KMT2D: variants seen among roughly 807,000 people sequenced by gnomAD.
KMT2D encodes histone-lysine N-methyltransferase 2D.
Under a neutral mutation model 512.7 loss-of-function variants are expected in KMT2D, and 55 were observed. The ratio of observed to expected loss-of-function variants is 0.11; its 90% CI spans 0.09 to 0.13. The LOEUF (loss-of-function observed/expected upper bound fraction) is 0.13, where lower values mean the gene tolerates loss of function less well. KMT2D is among the 10% of genes least tolerant of loss of function. The pLI, the probability that KMT2D is intolerant of heterozygous loss-of-function variation, is 1.00. For missense variants in KMT2D, 6,061 were observed against 7,127.9 expected (o/e 0.85, Z 5.39); for synonymous variants, 2,995 against 2,904.0 (o/e 1.03, Z -1.01).
chr12:49,029,682 T>G (rs991569916), intron 43 of KMT2D, among the ~76,000 whole-genome samples: 10 of 151,480 alleles, frequency 6.6e-5, no homozygotes, highest in Admixed American at 2.6e-4. Flanking sequence ...TTTTTGTTTT[T>G]TTTTTTTTTT....
Position 49,041,224 on chromosome 12 carries a change from G to A in KMT2D, c.6546C>T (p.Ala2182=), listed in dbSNP as rs2120543637. The A allele has an allele frequency of 4.6e-6, 7 of 1,513,830 alleles. No homozygotes were observed. The highest frequency in any genetic ancestry group is 6.2e-6 in the Non-Finnish European group (7 of 1,134,450). 93.8% of individuals were successfully genotyped at this position (1,513,830 alleles called of 1,614,324 possible). A position where few individuals can be genotyped will look rare whatever the true frequency, so the allele number is the denominator to read the frequency against. ...PSQDPFGLAP[A]YPLEPRFPTA... Reference sequence around the variant, plus strand: ...TGGGGAAGCGGGGCTCCAGGGGATAGGCAGGGGCCAGTCCAAAGGGGTCCT... The same window carrying A: ...TGGGGAAGCGGGGCTCCAGGGGATAAGCAGGGGCCAGTCCAAAGGGGTCCT... Residue 2182 remains alanine, a synonymous_variant, in exon 32 of 55, where the codon GCC becomes GCT. Transcript: ENST00000301067. The surrounding 1 kb of genome is among the most constrained non-coding windows in gnomAD (Gnocchi z 5.4).
In KMT2D at chr12:49,037,913, T is replaced by C. The variant is rs764977518; in HGVS notation, c.9443A>G (p.Asn3148Ser). ...TGGCTTTAGCCCCAGGCCAAGGGAA[T>C]TGGCAGCAGGTGCGGGCTCTACCTT... ...TPKVEPAPAA[N>S]SLGLGLKPGQ... Residue 3148 changes from asparagine (N) to serine (S), a missense_variant, in exon 35 of 55, where the codon AAT (asparagine) becomes AGT (serine). By Grantham distance (46) the Asn-to-Ser change is conservative. Around this residue, in one of 16 missense-constraint regions of KMT2D, gnomAD observed 533 missense variants for 539.6 expected, o/e 0.99. Transcript: ENST00000301067. 1.9e-6 allele frequency: 3 copies of C among 1,604,770 alleles called. No individual in the cohort carries two copies. The highest frequency in any genetic ancestry group is 1.7e-4 in the Middle Eastern group (1 of 6,058).
intron 35 of KMT2D, 53 bp downstream of exon 35, chr12:49,037,072 G>T (rs2120473254): frequency 6.6e-7 from 1 of 1,519,152 alleles, no homozygotes; most frequent in South Asian, 1.3e-5. Flanking sequence ...TGCCCATTTA[G>T]GGATAACAAT....
rs367559440 is a variant in KMT2D at position 49,052,224 on chromosome 12, G to A, written c.1459C>T (p.Arg487Trp). ...SPLPEALHLSRPLEESPLSPP... is the reference protein window; with the variant it reads ...SPLPEALHLSWPLEESPLSPP... ...GAGAGGGGCGATTCCTCCAGCGGCC[G>A]GGACAGGTGCAATGCCTCAGGAAGT... The change falls in exon 11 of 55, where the codon CGG (arginine) becomes TGG (tryptophan). Residue 487 changes from arginine to tryptophan, a missense_variant. Around this residue, in one of 16 missense-constraint regions of KMT2D, gnomAD observed 848 missense variants for 838.5 expected, o/e 1.01. Coordinates refer to ENST00000301067, the MANE Select transcript of KMT2D (RefSeq NM_003482.4). 58 of 1,613,012 alleles carry A rather than the reference G, an allele frequency of 3.6e-5. No individual in the cohort carries two copies. The African/African-American group carries it at 5.9e-4, about 16-fold the overall frequency.
In KMT2D at chr12:49,044,385, C is replaced by A. The variant is rs770175478; in HGVS notation, c.5083+18G>T. ...CCGCACCACCCCACCACCCCACAAC[C>A]CCATCCCAGGACCTCACCAGGCCGA... On this transcript the variant is annotated intron_variant, in intron 21 of 54. Coordinates refer to ENST00000301067, the MANE Select transcript of KMT2D (RefSeq NM_003482.4). The surrounding 1 kb of genome is among the most constrained non-coding windows in gnomAD (Gnocchi z 6.4). 7 of 1,613,836 alleles carry A rather than the reference C, an allele frequency of 4.3e-6. No homozygotes were observed. The highest frequency in any genetic ancestry group is 2.5e-6 in the Non-Finnish European group (3 of 1,179,870).
chr12:49,046,845 T>A lies in KMT2D; in HGVS notation c.4237-55A>T. 1 of 1,513,584 alleles carries A rather than the reference T, an allele frequency of 6.6e-7. No individual in the cohort carries two copies. Among genetic ancestry groups the A allele is most frequent in the East Asian group, 2.3e-5 (1 of 43,090 alleles). The allele number at this position is 1,513,584 out of a possible 1,614,324, so 93.8% of individuals were successfully genotyped here. On this transcript the variant is annotated intron_variant, in intron 15 of 54. Coordinates refer to ENST00000301067, the MANE Select transcript of KMT2D (RefSeq NM_003482.4). This position sits in a 1 kb window ranked among gnomAD's most constrained non-coding sequence, Gnocchi z 4.2. ...TGTGAGGTGGAAAAGAGGTAGAACT[T>A]CTTTTTATTTTTTTTTGGAGATGGA...
Position 49,034,412 on chromosome 12 carries a change from A to G in KMT2D, c.10505T>C (p.Ile3502Thr). 1 of 1,613,790 alleles carries G rather than the reference A, an allele frequency of 6.2e-7. No homozygotes were observed. The highest frequency in any genetic ancestry group is 1.3e-5 in the African/African-American group (1 of 75,002). Residue 3502 changes from isoleucine to threonine, a missense_variant and splice_region_variant, in exon 38 of 55, where the codon ATC (isoleucine) becomes ACC (threonine). Coordinates refer to ENST00000301067, the MANE Select transcript of KMT2D (RefSeq NM_003482.4). The stretch of plus-strand genomic sequence containing the variant: ...TTCCTCCCACGCCCCATACTCACTG[A>G]TCACTCCCTGAGCAAAAGTGGGCGG... ...PNPPTFAQGVINEADQRQYEE... is the reference protein window; with the variant it reads ...PNPPTFAQGVTNEADQRQYEE...
intron 43 of KMT2D, among the ~76,000 whole-genome samples, chr12:49,029,677 GTTTTT>G (rs33963995): frequency 7.6e-6 from 1 of 132,102 alleles, no homozygotes; most frequent in African/African-American, 2.8e-5. Flanking sequence ...TGTTTTTTTT[GTTTTT>G]TTTTTTTTTT....
Position 49,033,247 on chromosome 12 carries a change from G to A in KMT2D, c.11458C>T (p.Pro3820Ser). 6.4e-7 allele frequency: 1 copy of A among 1,555,028 alleles called. No homozygotes were observed. Among genetic ancestry groups the A allele is most frequent in the South Asian group, 1.2e-5 (1 of 84,268 alleles). Residue 3820 changes from proline to serine, a missense_variant, in exon 40 of 55, where the codon CCC becomes TCC. By Grantham distance (74) the Pro-to-Ser change is moderately conservative. Around this residue, in one of 16 missense-constraint regions of KMT2D, gnomAD observed 1,600 missense variants for 1,754.9 expected, o/e 0.91. Transcript: ENST00000301067. Reference protein sequence around the residue: ...LQQQHPGALGPQGPHRQVLMT... With the variant: ...LQQQHPGALGSQGPHRQVLMT... Reference sequence around the variant, plus strand: ...AGCACCTGTCTGTGAGGGCCCTGGGGGCCCAAAGCTCCAGGGTGCTGCTGC... The same window carrying A: ...AGCACCTGTCTGTGAGGGCCCTGGGAGCCCAAAGCTCCAGGGTGCTGCTGC...
Position 49,026,538 on chromosome 12 carries a change from T to C in KMT2D, c.15428A>G (p.Glu5143Gly), listed in dbSNP as rs977345417. 2 of 1,613,986 alleles carry C rather than the reference T, an allele frequency of 1.2e-6. No homozygotes were observed. The highest frequency in any genetic ancestry group is 1.7e-6 in the Non-Finnish European group (2 of 1,179,898). ...CPMHKIKGPC[E>G]QELSSFAVFR... ...GACAGCAAAAGAGCTCAGCTCTTGC[T>C]CACAGGGCCCCTTGATCTTATGCAT... is the stretch of plus-strand genomic sequence containing the variant. The change falls in exon 49 of 55, where the codon GAG becomes GGG. Residue 5143 changes from glutamate (E) to glycine (G), a missense_variant. By Grantham distance (98) the Glu-to-Gly change is moderately conservative (BLOSUM62 -2). Transcript: ENST00000301067. This position sits in a 1 kb window ranked among gnomAD's most constrained non-coding sequence, Gnocchi z 9.6.
rs768255004 is a variant in KMT2D at position 49,042,004 on chromosome 12, A to T, written c.6110-14T>A. The stretch of plus-strand genomic sequence containing the variant: ...GGCTTGACCAGTCTGGAGGGCAGAG[A>T]GAGTGAGTCAGAGAAGACTTGGCAG... On this transcript the variant is annotated splice_polypyrimidine_tract_variant and intron_variant, in intron 29 of 54. Coordinates refer to ENST00000301067, the MANE Select transcript of KMT2D (RefSeq NM_003482.4). The surrounding 1 kb of genome is among the most constrained non-coding windows in gnomAD (Gnocchi z 4.4). 7 of 1,612,142 alleles carry T rather than the reference A, an allele frequency of 4.3e-6. No homozygotes were observed. Among genetic ancestry groups the T allele is most frequent in the African/African-American group, 2.7e-5 (2 of 74,828 alleles).
Position 49,037,263 on chromosome 12 carries a change from C to T in KMT2D, c.10093G>A (p.Ala3365Thr), listed in dbSNP as rs1253722615. ...HMLSGQHGGQ[A>T]GLVPQQSSQP... ...GAGCTCTGCTGGGGTACCAAGCCTGCCTGCCCTCCATGCTGCCCACTTAGC... is the reference window on the plus strand; with the variant it reads ...GAGCTCTGCTGGGGTACCAAGCCTGTCTGCCCTCCATGCTGCCCACTTAGC... Residue 3365 changes from alanine (A) to threonine (T), a missense_variant, in exon 35 of 55, where the codon GCA (alanine) becomes ACA (threonine). Transcript: ENST00000301067. The T allele has an allele frequency of 2.5e-6, 4 of 1,613,702 alleles. No individual in the cohort carries two copies. The highest frequency in any genetic ancestry group is 3.4e-6 in the Non-Finnish European group (4 of 1,179,830).
rs1250945418 is a variant in KMT2D at position 49,034,084 on chromosome 12, G to A, written c.10723C>T (p.Gln3575Ter). ...TCCCCCACCTGATCCAGTTGTTTCT[G>A]GATCTTGCTCTGCTGCTCTGTAACC... ...KLVTEQQSKI[Q>*]KQLDQVRKQQ... Residue 3575 changes from glutamine (Q) to a stop codon, truncating the protein, a stop_gained, in exon 39 of 55, where the codon CAG becomes TAG. Coordinates refer to ENST00000301067, the MANE Select transcript of KMT2D (RefSeq NM_003482.4). LOFTEE classifies it high-confidence loss of function. 6.2e-7 allele frequency: 1 copy of A among 1,612,530 alleles called. No individual in the cohort carries two copies. The highest frequency in any genetic ancestry group is 1.7e-5 in the Admixed American group (1 of 60,018).
Position 49,033,195 on chromosome 12 carries a change from G to T in KMT2D, c.11510C>A (p.Ser3837Tyr). 3.2e-6 allele frequency: 5 copies of T among 1,550,290 alleles called. No homozygotes were observed. The highest frequency in any genetic ancestry group is 4.4e-6 in the Non-Finnish European group (5 of 1,146,154). Residue 3837 changes from serine (S) to tyrosine (Y), a missense_variant, in exon 40 of 55, where the codon TCC becomes TAC. Coordinates refer to ENST00000301067, the MANE Select transcript of KMT2D (RefSeq NM_003482.4). ...VLMTQSRVLS[S>Y]PQLAQQGQGL... ...CTGACCCTGCTGTGCCAGCTGGGGG[G>T]AACTGAGCACCCGGGACTGGGTCAT...
intron 49 of KMT2D, among the ~76,000 whole-genome samples, chr12:49,025,395 T>G (rs898545089): frequency 1.3e-5 from 2 of 152,252 alleles, no homozygotes; most frequent in East Asian, 3.8e-4. Context: ...CTGTATCTTT[T>G]CTATGTCTAG....
rs377409037 is a variant in KMT2D at position 49,040,366 on chromosome 12, C to G, written c.7404G>C (p.Lys2468Asn). ...QSRDPFAPLH[K>N]PPRPQPPEVA... ...CTTCAGGGGGCTGGGGTCGGGGTGG[C>G]TTATGCAATGGGGCAAATGGGTCAC... The change falls in exon 32 of 55, where the codon AAG (lysine) becomes AAC (asparagine). Residue 2468 changes from lysine (K) to asparagine (N), a missense_variant. By Grantham distance (94) the Lys-to-Asn change is moderately conservative. Coordinates refer to ENST00000301067, the MANE Select transcript of KMT2D (RefSeq NM_003482.4). The G allele has an allele frequency of 6.4e-7, 1 of 1,565,556 alleles. No homozygotes were observed. The highest frequency in any genetic ancestry group is 8.7e-7 in the Non-Finnish European group (1 of 1,155,390).
Position 49,041,723 on chromosome 12 carries a change from C to G in KMT2D, c.6184-18G>C. ...GCCTTTTGCTGAGGGATATGGGACACAGCCTTAGGGCCTAGTGCTTGGTCT... is the reference window on the plus strand; with the variant it reads ...GCCTTTTGCTGAGGGATATGGGACAGAGCCTTAGGGCCTAGTGCTTGGTCT... On this transcript the variant is annotated intron_variant, in intron 30 of 54. Coordinates refer to ENST00000301067, the MANE Select transcript of KMT2D (RefSeq NM_003482.4). The surrounding 1 kb of genome is among the most constrained non-coding windows in gnomAD (Gnocchi z 5.4). 1 of 1,606,204 alleles carries G rather than the reference C, an allele frequency of 6.2e-7. No individual in the cohort carries two copies. Among genetic ancestry groups the G allele is most frequent in the Non-Finnish European group, 8.5e-7 (1 of 1,176,004 alleles).
Position 49,037,857 on chromosome 12 carries a change from G to C in KMT2D, c.9499C>G (p.Arg3167Gly), listed in dbSNP as rs370155635. ...CTAGAAAATGGCCCTGTGCCCATCC[G>C]GGTATCCCGGCTGCCCATCATGCTC... ...GQSMMGSRDTRMGTGPFSSSG... is the reference protein window; with the variant it reads ...GQSMMGSRDTGMGTGPFSSSG... The change falls in exon 35 of 55, where the codon CGG becomes GGG. Residue 3167 changes from arginine (R) to glycine (G), a missense_variant. Around this residue, in one of 16 missense-constraint regions of KMT2D, gnomAD observed 533 missense variants for 539.6 expected, o/e 0.99. Coordinates refer to ENST00000301067, the MANE Select transcript of KMT2D (RefSeq NM_003482.4). 6.3e-7 allele frequency: 1 copy of C among 1,596,192 alleles called. No homozygotes were observed. The highest frequency in any genetic ancestry group is 8.5e-7 in the Non-Finnish European group (1 of 1,171,440).
Position 49,040,571 on chromosome 12 carries a change from G to C in KMT2D, c.7199C>G (p.Pro2400Arg). Residue 2400 changes from proline (P) to arginine (R), a missense_variant, in exon 32 of 55, where the codon CCT becomes CGT. Physicochemically the swap from Pro to Arg is moderately radical, Grantham distance 103 (BLOSUM62 -2). This residue lies in a region of KMT2D where 710 missense variants were observed against 647.3 expected (regional missense o/e 1.10). Coordinates refer to ENST00000301067, the MANE Select transcript of KMT2D (RefSeq NM_003482.4). ...GAAAGGGTCGGAGGGCAGTGAGCGA[G>C]GGGGCAGAGCACAGCAGCTCTCAGG... ...PPPESCCALPPRSLPSDPFSR... is the reference protein window; with the variant it reads ...PPPESCCALPRRSLPSDPFSR... 1.2e-6 allele frequency: 2 copies of C among 1,613,028 alleles called. No individual in the cohort carries two copies. Among genetic ancestry groups the C allele is most frequent in the East Asian group, 2.2e-5 (1 of 44,862 alleles).
Sources: allele counts gnomAD v4.1 joint callset (sites outside exome capture counted in the v4.1 genomes callset), GRCh38; gene constraint gnomAD v4.1.1; regional missense constraint gnomAD v4.1.1; non-coding constraint Gnocchi (gnomAD v3.1); transcripts MANE v1.5; gene names NCBI Gene and HGNC (gene_info 2026-07-23, HGNC 2026-07-21).